KCNH8: variants seen among roughly 807,000 people sequenced by gnomAD.
The protein encoded by KCNH8 is voltage-gated delayed rectifier potassium channel KCNH8.
In KCNH8, 70 loss-of-function variants were observed where a neutral mutation model predicts 103.6. The observed-to-expected ratio is 0.68, with a 90% CI of 0.56 to 0.82. The LOEUF is 0.82. Among genes scored for constraint, KCNH8 ranks in the 40% least tolerant of loss-of-function variants. The probability of loss-of-function intolerance (pLI) is 0.00; values close to 1 mark genes in which losing one functional copy is unlikely to be tolerated. For missense variants in KCNH8, 1,217 were observed against 1,329.9 expected (o/e 0.92, Z 1.32); for synonymous variants, 498 against 489.4 (o/e 1.02, Z -0.23).
At chr3:19,503,835 G>A (rs1347247435) in intron 11 of KCNH8, among the ~76,000 whole-genome samples, 3 of 151,792 alleles carry the variant, frequency 2.0e-5, no homozygotes, top group East Asian at 3.9e-4. Flanking sequence ...GCTAGATGAC[G>A]AGTTAGTGGG....
intron 11 of KCNH8, among the ~76,000 whole-genome samples, chr3:19,501,950 G>C (rs1374621881): frequency 1.3e-5 from 2 of 151,980 alleles, no homozygotes; most frequent in Admixed American, 6.6e-5. Flanking sequence ...GGAAATAAAG[G>C]GTATTCAATT....
intron 11 of KCNH8, among the ~76,000 whole-genome samples, chr3:19,466,233 G>A (rs553760425): frequency 1.4e-4 from 21 of 152,224 alleles, no homozygotes; most frequent in African/African-American, 5.1e-4. Flanking sequence ...GCCAGGAGTT[G>A]CTTCTTATGA....
chr3:19,373,399 A>T (rs2066134560), intron 5 of KCNH8, among the ~76,000 whole-genome samples: 1 of 152,106 alleles, frequency 6.6e-6, no homozygotes, highest in African/African-American at 2.4e-5. Flanking sequence ...TTATTTGCGT[A>T]GAGGTGTTTG....
intron 3 of KCNH8, among the ~76,000 whole-genome samples, chr3:19,321,780 T>C (rs1371299490): frequency 6.6e-6 from 1 of 152,084 alleles, no homozygotes; most frequent in Non-Finnish European, 1.5e-5. Flanking sequence ...AGTGGGGTAT[T>C]GAAGTCCCCC....
chr3:19,162,309 C>T (rs948359741), intron 1 of KCNH8, among the ~76,000 whole-genome samples: 4 of 148,268 alleles, frequency 2.7e-5, no homozygotes, highest in Admixed American at 6.8e-5. Flanking sequence ...GCCAGGAGTT[C>T]GAGACCAGCC....
At chr3:19,393,957 A>G (rs1274069618) in intron 6 of KCNH8, among the ~76,000 whole-genome samples, 1 of 151,998 alleles carries the variant, frequency 6.6e-6, no homozygotes, top group Admixed American at 6.6e-5. Context: ...AGCATTTTCT[A>G]TGTGTCAGGT....
chr3:19,513,377 A>G, intron 13 of KCNH8, 52 bp downstream of exon 13: 1 of 1,522,726 alleles, frequency 6.6e-7, no homozygotes, highest in Non-Finnish European at 8.8e-7. Flanking sequence ...TGCCTTTTAT[A>G]CAGAGTAGTA....
chr3:19,429,526 G>A (rs917971457), intron 7 of KCNH8, among the ~76,000 whole-genome samples: 10 of 152,178 alleles, frequency 6.6e-5, no homozygotes, highest in African/African-American at 2.4e-4. Context: ...GTTTCCTTTT[G>A]AGACTTGGAC....
At chr3:19,482,563 C>G (rs1575120988) in intron 11 of KCNH8, among the ~76,000 whole-genome samples, 1 of 152,136 alleles carries the variant, frequency 6.6e-6, no homozygotes, top group African/African-American at 2.4e-5. Context: ...AGGTAGTAAA[C>G]AAGGAAGCAA....
chr3:19,516,764 T>G (rs1220340513), intron 14 of KCNH8, among the ~76,000 whole-genome samples: 1 of 152,026 alleles, frequency 6.6e-6, no homozygotes, highest in Admixed American at 6.6e-5. Flanking sequence ...CTTTCTACCA[T>G]TACTGCTACC....
At position 19,394,680 on chromosome 3, in the gene KCNH8, C is replaced by T. The variant is rs186308768; in HGVS notation, c.970-424C>T. ...ATTATCACTTTCTGTGCCTTTACTT[C>T]AATTTGTCTGAATTATTATTATAAA... is the stretch of plus-strand genomic sequence containing the variant. On this transcript the variant is annotated intron_variant, in intron 6 of 15. Transcript: ENST00000328405. Among the ~76,000 whole-genome samples the T allele has an allele frequency of 4.1e-3, 617 of 152,036 alleles. 4 individuals are homozygous for T. Among genetic ancestry groups the T allele is most frequent in the South Asian group, 0.017 (81 of 4,812 alleles).
At chr3:19,518,149 T>A (rs1268593936) in intron 15 of KCNH8, 75 bp downstream of exon 15, 2 of 1,166,690 alleles carry the variant, frequency 1.7e-6, no homozygotes, top group East Asian at 2.4e-5. Flanking sequence ...AGAAGCAGTG[T>A]AATATAGTAG....
intron 15 of KCNH8, among the ~76,000 whole-genome samples, chr3:19,524,837 G>C (rs76379634): frequency 0.065 from 9,882 of 151,914 alleles, 361 homozygotes; most frequent in South Asian, 0.098. Flanking sequence ...AAAGAAGTTA[G>C]TAGAGTATAG....
chr3:19,488,558 TCACA>T (rs2068257943), intron 11 of KCNH8, among the ~76,000 whole-genome samples: 1 of 152,212 alleles, frequency 6.6e-6, no homozygotes. Context: ...ACGGTAAGCC[TCACA>T]CAGTCTTTCA....
chr3:19,173,471 A>C (rs898462350), intron 1 of KCNH8, among the ~76,000 whole-genome samples: 2 of 152,236 alleles, frequency 1.3e-5, no homozygotes, highest in Admixed American at 1.3e-4. Context: ...TTCAACCAAT[A>C]GAACTATTTA....
chr3:19,262,977 A>AT (rs920980388), intron 2 of KCNH8, among the ~76,000 whole-genome samples: 16 of 151,996 alleles, frequency 1.1e-4, no homozygotes, highest in Non-Finnish European at 1.9e-4. Context: ...CAAATGCAAT[A>AT]TTTTTTTATA....
intron 11 of KCNH8, among the ~76,000 whole-genome samples, chr3:19,499,225 AG>A (rs1306310034): frequency 3.3e-5 from 5 of 152,174 alleles, no homozygotes; most frequent in Non-Finnish European, 5.9e-5. Flanking sequence ...TGAAGCGAGA[AG>A]GGAAGTTTAG....
intron 1 of KCNH8, among the ~76,000 whole-genome samples, chr3:19,174,251 G>T (rs2063376503): frequency 6.6e-6 from 1 of 151,950 alleles, no homozygotes; most frequent in Non-Finnish European, 1.5e-5. Flanking sequence ...TCTTGCATTA[G>T]CTCCAGGCCT....
chr3:19,174,555 A>C (rs573044981), intron 1 of KCNH8, among the ~76,000 whole-genome samples: 17 of 152,234 alleles, frequency 1.1e-4, no homozygotes, highest in African/African-American at 4.1e-4. Context: ...TATTAATTAT[A>C]GTTTACATTC....
Sources: gnomAD v4.1 joint callset for allele counts (sites outside exome capture counted in the v4.1 genomes callset) on GRCh38, gnomAD v4.1.1 for gene constraint, MANE v1.5 for transcripts, NCBI Gene and HGNC (gene_info 2026-07-23, HGNC 2026-07-21) for gene names.